The following GRIP1 variants were observed in gnomAD, a reference collection of about 807,000 sequenced individuals.
GRIP1 encodes the protein glutamate receptor interacting protein 1, also known as glutamate receptor-interacting protein 1.
Under a neutral mutation model 129.9 loss-of-function variants are expected in GRIP1, and 45 were observed. That is an observed-to-expected ratio of 0.35 (90% CI 0.27 to 0.44). The LOEUF (loss-of-function observed/expected upper bound fraction) is 0.44. Among genes scored for constraint, GRIP1 ranks in the 20% least tolerant of loss-of-function variants. The probability of loss-of-function intolerance (pLI) is 1.00; values close to 1 mark genes in which losing one functional copy is unlikely to be tolerated. For synonymous variants in GRIP1, 530 were observed against 520.8 expected (o/e 1.02, Z -0.24); for missense variants, 1,196 against 1,396.8 (o/e 0.86, Z 2.29).
chr12:66,894,508 C>T (rs2040714033), intron 1 of GRIP1, among the ~76,000 whole-genome samples: 1 of 152,164 alleles, frequency 6.6e-6, no homozygotes, highest in African/African-American at 2.4e-5. Context: ...AGAAACAATG[C>T]TCCTTCTAGC....
chr12:66,652,824 A>G (rs996489741), intron 1 of GRIP1, among the ~76,000 whole-genome samples: 20 of 152,094 alleles, frequency 1.3e-4, no homozygotes, highest in Non-Finnish European at 2.6e-4. Context: ...CACTCCAGAC[A>G]CTCTTGGACT....
chr12:66,684,888 A>G (rs1371608659), intron 1 of GRIP1, among the ~76,000 whole-genome samples: 1 of 152,110 alleles, frequency 6.6e-6, no homozygotes, highest in East Asian at 1.9e-4. Flanking sequence ...GAAACGAAAC[A>G]AAACTACCTT....
At chr12:66,598,608 G>C (rs1261516510) in intron 1 of GRIP1, among the ~76,000 whole-genome samples, 1 of 152,184 alleles carries the variant, frequency 6.6e-6, no homozygotes, top group African/African-American at 2.4e-5. Context: ...TTTTCTCACA[G>C]TGTTAATAAA....
intron 1 of GRIP1, among the ~76,000 whole-genome samples, chr12:66,612,802 T>C (rs1166984614): frequency 6.6e-6 from 1 of 152,202 alleles, no homozygotes; most frequent in Non-Finnish European, 1.5e-5. Flanking sequence ...CCATGCCACT[T>C]TGGCCTGGTG....
intron 15 of GRIP1, among the ~76,000 whole-genome samples, chr12:66,417,366 C>T (rs1160187237): frequency 6.6e-6 from 1 of 152,128 alleles, no homozygotes; most frequent in African/African-American, 2.4e-5. Context: ...AAAGCCATTC[C>T]TCTAAGATCT....
At chr12:66,484,026 A>AT (rs567255875) in intron 7 of GRIP1, among the ~76,000 whole-genome samples, 493 of 151,678 alleles carry the variant, frequency 3.3e-3, no homozygotes, top group Non-Finnish European at 5.3e-3. Context: ...CGCCCGGCTA[A>AT]TTTTTTGTAT....
chr12:66,420,415 G>GGT (rs370474761), intron 15 of GRIP1, among the ~76,000 whole-genome samples: 4 of 127,888 alleles, frequency 3.1e-5, no homozygotes, highest in African/African-American at 8.8e-5. Flanking sequence ...TACTTTCAGG[G>GGT]TTTTTTTTTT....
chr12:66,501,296 T>G (rs1282707156), intron 7 of GRIP1, among the ~76,000 whole-genome samples: 2 of 152,204 alleles, frequency 1.3e-5, no homozygotes, highest in East Asian at 3.8e-4. Flanking sequence ...AGTACTGAAG[T>G]TAATACTGTT....
chr12:66,691,455 C>T (rs760806547), intron 1 of GRIP1, among the ~76,000 whole-genome samples: 21 of 152,126 alleles, frequency 1.4e-4, no homozygotes, highest in Non-Finnish European at 2.1e-4. Context: ...CAAGTTTTTA[C>T]AAGGAATTAA....
chr12:66,445,470 C>A lies in GRIP1; in HGVS notation c.1393G>T (p.Val465Phe). 6.2e-7 allele frequency: 1 copy of A among 1,614,032 alleles called. No homozygotes were observed. The highest frequency in any genetic ancestry group is 8.5e-7 in the Non-Finnish European group (1 of 1,179,962). ...ACCTCTGTGGTTTCTGTGTGAACAACCTGCCCAGCCAATCCTACTGTGCTG... is the reference window on the plus strand; with the variant it reads ...ACCTCTGTGGTTTCTGTGTGAACAAACTGCCCAGCCAATCCTACTGTGCTG... The part of the protein sequence containing the change: ...ASSTVGLAGQ[V>F]VHTETTEVVL... The change falls in exon 12 of 25, where the codon GTT (valine) becomes TTT (phenylalanine). Residue 465 changes from valine (V) to phenylalanine (F), a missense_variant. Coordinates refer to ENST00000359742, the MANE Select transcript of GRIP1 (RefSeq NM_001366722.1).
chr12:66,529,706 C>A, intron 5 of GRIP1, 125 bp downstream of exon 5: 3 of 716,358 alleles, frequency 4.2e-6, no homozygotes, highest in Non-Finnish European at 7.6e-6. Flanking sequence ...GTCGTGGGTG[C>A]ACCAAAATCT....
intron 1 of GRIP1, among the ~76,000 whole-genome samples, chr12:66,874,921 T>G (rs1207314934): frequency 1.3e-5 from 2 of 149,786 alleles, no homozygotes; most frequent in Admixed American, 1.3e-4. Context: ...AGCTTACACA[T>G]TAGCAGCCTT....
chr12:66,394,796 A>G (rs925400952), intron 16 of GRIP1, among the ~76,000 whole-genome samples: 6 of 152,270 alleles, frequency 3.9e-5, no homozygotes, highest in African/African-American at 1.4e-4. Context: ...CTTTACATGC[A>G]TGCTAACTTT....
At chr12:66,670,851 G>A (rs1027691529) in intron 1 of GRIP1, among the ~76,000 whole-genome samples, 1 of 152,110 alleles carries the variant, frequency 6.6e-6, no homozygotes, top group African/African-American at 2.4e-5. Context: ...TGCCCTCAAA[G>A]TCACAGGAAG....
intron 11 of GRIP1, among the ~76,000 whole-genome samples, chr12:66,454,720 G>A (rs774671638): frequency 6.6e-6 from 1 of 152,084 alleles, no homozygotes; most frequent in Non-Finnish European, 1.5e-5. Flanking sequence ...CAAGAATCAT[G>A]GTTGAAATTC....
At chr12:66,568,130 G>T in intron 2 of GRIP1, 1 of 276,430 alleles carries the variant, frequency 3.6e-6, no homozygotes, top group Non-Finnish European at 7.3e-6. Context: ...ATTGTTTTTG[G>T]AAACCCAGGG....
chr12:66,712,890 G>A (rs1472034581), intron 1 of GRIP1, among the ~76,000 whole-genome samples: 9 of 152,046 alleles, frequency 5.9e-5, no homozygotes, highest in Admixed American at 5.2e-4. Context: ...ACTTCTAGGC[G>A]GTGAACTCAT....
intron 1 of GRIP1, among the ~76,000 whole-genome samples, chr12:66,907,531 A>G (rs190751924): frequency 3.3e-5 from 5 of 152,268 alleles, no homozygotes; most frequent in Non-Finnish European, 5.9e-5. Flanking sequence ...CCCAGGAGGA[A>G]GCAGAGGCAA....
At chr12:66,636,758 A>ACTCT (rs138493001) in intron 1 of GRIP1, among the ~76,000 whole-genome samples, 29,403 of 121,810 alleles carry the variant, frequency 0.24, 3,002 homozygotes, top group Non-Finnish European at 0.28. Flanking sequence ...TGTGTGTCTC[A>ACTCT]CTCTCTCTCT....
Sources: gnomAD v4.1 joint callset for allele counts (sites outside exome capture counted in the v4.1 genomes callset) on GRCh38, gnomAD v4.1.1 for gene constraint, MANE v1.5 for transcripts, NCBI Gene and HGNC (gene_info 2026-07-23, HGNC 2026-07-21) for gene names.